BST1: variants seen among roughly 807,000 people sequenced by gnomAD.
BST1 encodes the protein bone marrow stromal cell antigen 1.
In BST1, 49 loss-of-function variants were observed where a neutral mutation model predicts 40.6. That is an observed-to-expected ratio of 1.21 (90% CI 0.96 to 1.53). The LOEUF (loss-of-function observed/expected upper bound fraction) is 1.53, where lower values mean the gene tolerates loss of function less well. Among genes scored for constraint, BST1 ranks in the 40% most tolerant of loss-of-function variants. The probability of loss-of-function intolerance (pLI) is 0.00; values close to 1 mark genes in which losing one functional copy is unlikely to be tolerated. For missense variants in BST1, 423 were observed against 395.9 expected, an observed-to-expected ratio of 1.07 and a Z score of -0.58; for synonymous variants, 157 against 159.3, an observed-to-expected ratio of 0.99 and a Z score of 0.11.
intron 6 of BST1, 116 bp downstream of exon 6, chr4:15,715,915 C>G (rs1720491591): frequency 1.4e-6 from 1 of 727,156 alleles, no homozygotes; most frequent in Non-Finnish European, 2.1e-6. Context: ...TTCTTTGCTT[C>G]TAATGGGGTT....
At chr4:15,714,562 T>A (rs991074325) in intron 4 of BST1, among the ~76,000 whole-genome samples, 1 of 152,206 alleles carries the variant, frequency 6.6e-6, no homozygotes, top group Non-Finnish European at 1.5e-5. Flanking sequence ...CCCTTAAGTA[T>A]CATAGTTTAC....
At chr4:15,759,455 A>C in the BST1 span, among the ~76,000 whole-genome samples, 1 of 152,000 alleles carries the variant, frequency 6.6e-6, no homozygotes, top group Non-Finnish European at 1.5e-5. Flanking sequence ...TTTGGCACTT[A>C]GTAAATGCTC....
chr4:15,746,803 G>GCTA, the BST1 span, among the ~76,000 whole-genome samples: 163 of 152,282 alleles, frequency 1.1e-3, no homozygotes, highest in African/African-American at 3.8e-3. Flanking sequence ...AAATGTGAGA[G>GCTA]GGGGCTAGGG....
chr4:15,723,603 G>A, intron 8 of BST1: 1 of 985,306 alleles, frequency 1.0e-6, no homozygotes, highest in Non-Finnish European at 1.2e-6. Flanking sequence ...GTTGTATGTT[G>A]TTATAGTAGT....
downstream of BST1, among the ~76,000 whole-genome samples, chr4:15,737,321 G>T (rs1721605109): frequency 6.6e-6 from 1 of 152,160 alleles, no homozygotes; most frequent in African/African-American, 2.4e-5. Flanking sequence ...TTTCATAAAT[G>T]GCCCCTTTCA....
At chr4:15,760,719 G>T in the BST1 span, among the ~76,000 whole-genome samples, 1 of 150,766 alleles carries the variant, frequency 6.6e-6, no homozygotes, top group African/African-American at 2.5e-5. Flanking sequence ...TCGAGATAAG[G>T]TCTCTTTTAC....
intron 7 of BST1, among the ~76,000 whole-genome samples, chr4:15,719,542 T>C (rs1000434505): frequency 6.6e-6 from 1 of 152,076 alleles, no homozygotes; most frequent in Non-Finnish European, 1.5e-5. Context: ...AGCCCTAAGG[T>C]AGTTGCAAGC....
At chr4:15,731,707 T>G in intron 8 of BST1, 33 bp from the exon 9 acceptor site, 4 of 1,593,348 alleles carry the variant, frequency 2.5e-6, no homozygotes, top group Admixed American at 1.8e-5. Context: ...ACACCAATAC[T>G]GACACTTTCT....
chr4:15,771,804 G>C, the BST1 span, among the ~76,000 whole-genome samples: 6 of 152,206 alleles, frequency 3.9e-5, no homozygotes. Context: ...AAGAACATTT[G>C]TTGTAGCATT....
At chr4:15,704,561 G>GAC (rs1329329241) in intron 1 of BST1, among the ~76,000 whole-genome samples, 11 of 151,618 alleles carry the variant, frequency 7.3e-5, no homozygotes, top group African/African-American at 2.7e-4. Flanking sequence ...GTCTAGAGGT[G>GAC]AGGGATGTGT....
the BST1 span, among the ~76,000 whole-genome samples, chr4:15,756,993 G>C: frequency 2.0e-5 from 3 of 152,208 alleles, no homozygotes; most frequent in Non-Finnish European, 4.4e-5. Context: ...TGAAAGTTAA[G>C]TTTCTTGTAA....
the BST1 span, among the ~76,000 whole-genome samples, chr4:15,771,683 CAG>C: frequency 7.2e-5 from 11 of 152,214 alleles, no homozygotes. Flanking sequence ...CAACTGGTAC[CAG>C]CCTTTGGCTG....
At chr4:15,773,691 G>A in the BST1 span, among the ~76,000 whole-genome samples, 1 of 152,190 alleles carries the variant, frequency 6.6e-6, no homozygotes, top group East Asian at 1.9e-4. Flanking sequence ...AGCTACTCAG[G>A]AGACTGAGGC....
intron 2 of BST1, 133 bp downstream of exon 2, chr4:15,705,774 G>GGC: frequency 8.4e-7 from 1 of 1,189,274 alleles, no homozygotes; most frequent in South Asian, 1.4e-5. Context: ...CACACATAAT[G>GGC]TGTGTGCTGA....
chr4:15,753,163 C>A, the BST1 span, among the ~76,000 whole-genome samples: 1 of 152,168 alleles, frequency 6.6e-6, no homozygotes, highest in Non-Finnish European at 1.5e-5. Flanking sequence ...CCTCCATCTT[C>A]ATCTCTCTGA....
the BST1 span, among the ~76,000 whole-genome samples, chr4:15,773,008 T>C: frequency 4.6e-5 from 7 of 152,076 alleles, no homozygotes; most frequent in African/African-American, 1.7e-4. Flanking sequence ...GTTATATCTT[T>C]GAAAGGGGTG....
the BST1 span, among the ~76,000 whole-genome samples, chr4:15,768,799 G>A: frequency 6.6e-6 from 1 of 152,024 alleles, no homozygotes; most frequent in Admixed American, 6.6e-5. Context: ...CCCGGCCGAT[G>A]GACAGTATCT....
chr4:15,771,179 T>C, the BST1 span, among the ~76,000 whole-genome samples: 1 of 152,160 alleles, frequency 6.6e-6, no homozygotes, highest in Admixed American at 6.5e-5. Flanking sequence ...TTACCATATG[T>C]TGAGTGTCTA....
chr4:15,754,215 G>A, the BST1 span, among the ~76,000 whole-genome samples: 10 of 152,258 alleles, frequency 6.6e-5, no homozygotes, highest in Non-Finnish European at 1.0e-4. Flanking sequence ...GAAGACCCCC[G>A]GAAATATTGA....
Sources: gnomAD v4.1 joint callset for allele counts (sites outside exome capture counted in the v4.1 genomes callset) on GRCh38, gnomAD v4.1.1 for gene constraint, MANE v1.5 for transcripts, NCBI Gene and HGNC (gene_info 2026-07-23, HGNC 2026-07-21) for gene names.